Variants in CDH12 observed in about 807,000 individuals in gnomAD.
CDH12 encodes cadherin-12.
CDH12 carries 41 observed loss-of-function variants against 74.1 expected under a neutral mutation model. The ratio of observed to expected loss-of-function variants is 0.55; its 90% CI spans 0.43 to 0.72. The LOEUF (loss-of-function observed/expected upper bound fraction) is 0.72. Ranked by LOEUF, CDH12 falls within the 30% of genes least tolerant of loss-of-function variation. The pLI, the probability that CDH12 is intolerant of heterozygous loss-of-function variation, is 0.00. For synonymous variants in CDH12, 399 were observed against 355.0 expected (o/e 1.12, Z -1.39); for missense variants, 945 against 977.2 (o/e 0.97, Z 0.44).
At chr5:21,829,044 C>G (rs1412797971) in intron 8 of CDH12, among the ~76,000 whole-genome samples, 1 of 151,978 alleles carries the variant, frequency 6.6e-6, no homozygotes, top group African/African-American at 2.4e-5. Flanking sequence ...GCCTGTAATC[C>G]CAGCATTTTG....
chr5:22,164,981 G>A (rs1447379901), intron 4 of CDH12, among the ~76,000 whole-genome samples: 3 of 144,624 alleles, frequency 2.1e-5, no homozygotes, highest in Admixed American at 7.1e-5. Context: ...TGTTTCCCAG[G>A]AGCACTGCCT....
chr5:22,750,568 A>G (rs1312614722), intron 1 of CDH12, among the ~76,000 whole-genome samples: 2 of 152,170 alleles, frequency 1.3e-5, no homozygotes, highest in Non-Finnish European at 2.9e-5. Flanking sequence ...TATCAAGAAG[A>G]GCCAAAACCC....
intron 1 of CDH12, among the ~76,000 whole-genome samples, chr5:22,725,866 A>G (rs1251943192): frequency 3.3e-5 from 5 of 151,760 alleles, no homozygotes; most frequent in African/African-American, 7.2e-5. Context: ...AAACATAAAT[A>G]TATGTTTTAT....
intron 1 of CDH12, among the ~76,000 whole-genome samples, chr5:22,571,795 G>A (rs528710631): frequency 6.6e-6 from 1 of 152,260 alleles, no homozygotes; most frequent in African/African-American, 2.4e-5. Flanking sequence ...GCCATGTGGT[G>A]GGGGCAATCG....
chr5:21,825,425 A>G (rs752155479), intron 8 of CDH12, among the ~76,000 whole-genome samples: 11 of 152,156 alleles, frequency 7.2e-5, no homozygotes, highest in African/African-American at 2.4e-4. Context: ...ATTTTTAAAG[A>G]ATCTGTTTTC....
At chr5:22,645,511 G>A (rs186010880) in intron 1 of CDH12, among the ~76,000 whole-genome samples, 2 of 152,110 alleles carry the variant, frequency 1.3e-5, no homozygotes, top group Admixed American at 6.6e-5. Context: ...TCTACTTCTG[G>A]TAAAGATGCT....
chr5:22,124,985 G>A (rs1453667982), intron 4 of CDH12, among the ~76,000 whole-genome samples: 1 of 152,198 alleles, frequency 6.6e-6, no homozygotes, highest in Non-Finnish European at 1.5e-5. Context: ...CAAAATAATT[G>A]CATTTCAGAG....
chr5:21,992,703 G>A (rs538290561), intron 5 of CDH12, among the ~76,000 whole-genome samples: 29 of 152,028 alleles, frequency 1.9e-4, no homozygotes, highest in African/African-American at 6.0e-4. Flanking sequence ...TCCATGTATC[G>A]TTGGTTGCTT....
At chr5:21,926,506 AGGGCAACACC>A (rs1177897737) in intron 6 of CDH12, among the ~76,000 whole-genome samples, 1 of 152,194 alleles carries the variant, frequency 6.6e-6, no homozygotes, top group Non-Finnish European at 1.5e-5. Context: ...AAATATCTTT[AGGGCAACACC>A]ACCAGTTTCA....
At chr5:22,356,001 A>T (rs1444541153) in intron 3 of CDH12, among the ~76,000 whole-genome samples, 4 of 152,202 alleles carry the variant, frequency 2.6e-5, no homozygotes, top group Non-Finnish European at 5.9e-5. Flanking sequence ...TTAAGTAAGC[A>T]AATCATCCAT....
chr5:21,757,740 G>A (rs79559596), intron 13 of CDH12, among the ~76,000 whole-genome samples: 3 of 151,948 alleles, frequency 2.0e-5, no homozygotes, highest in African/African-American at 4.8e-5. Flanking sequence ...GCAAAGATAC[G>A]TTGTGGAAAA....
Position 22,019,319 on chromosome 5 carries a change from A to AT in CDH12, c.232-43935dup, listed in dbSNP as rs982084284. ...ATATACTTAAGAATTTTTAGGCATGATTTTTTTTCCAACATATTTTAGAAA... is the reference window on the plus strand; with the variant it reads ...ATATACTTAAGAATTTTTAGGCATGATTTTTTTTTCCAACATATTTTAGAAA... On this transcript the variant is annotated intron_variant, in intron 5 of 14. Coordinates refer to ENST00000382254, the MANE Select transcript of CDH12 (RefSeq NM_004061.5). Among the ~76,000 whole-genome samples the AT allele has an allele frequency of 1.2e-3, 176 of 152,170 alleles. 1 individual carries two copies. The highest frequency in any genetic ancestry group is 3.9e-3 in the African/African-American group (164 of 41,532).
chr5:22,376,610 A>G (rs1261374), intron 3 of CDH12, among the ~76,000 whole-genome samples: 111,014 of 151,326 alleles, frequency 0.73, 41,902 homozygotes, highest in Non-Finnish European at 0.82. Context: ...TCAACCTCCT[A>G]GGCTCAAACC....
intron 5 of CDH12, among the ~76,000 whole-genome samples, chr5:21,997,695 A>T (rs1736380575): frequency 2.6e-5 from 4 of 152,150 alleles, no homozygotes; most frequent in Admixed American, 2.0e-4. Flanking sequence ...TCTACTTTCT[A>T]CTTTTACCTT....
intron 1 of CDH12, among the ~76,000 whole-genome samples, 179 bp downstream of exon 1, chr5:22,852,879 G>A (rs1737620486): frequency 6.6e-6 from 1 of 152,184 alleles, no homozygotes; most frequent in East Asian, 1.9e-4. Flanking sequence ...ACTTACCGAA[G>A]TTTCCCAAAG....
chr5:22,457,479 G>A (rs1225099959), intron 2 of CDH12, among the ~76,000 whole-genome samples: 1 of 151,566 alleles, frequency 6.6e-6, no homozygotes, highest in African/African-American at 2.4e-5. Context: ...GAGTGCAGTG[G>A]TGCAATCTCA....
intron 13 of CDH12, among the ~76,000 whole-genome samples, chr5:21,759,137 A>G (rs542043040): frequency 6.6e-6 from 1 of 152,286 alleles, no homozygotes; most frequent in East Asian, 1.9e-4. Flanking sequence ...TTTAAAAAGT[A>G]AAATTAAATT....
intron 1 of CDH12, among the ~76,000 whole-genome samples, chr5:22,672,311 G>T (rs1052404283): frequency 2.6e-5 from 4 of 151,472 alleles, no homozygotes; most frequent in African/African-American, 9.7e-5. Flanking sequence ...GAGTATAAAT[G>T]TAGGGCTTTG....
At chr5:22,303,994 T>C (rs1462303606) in intron 3 of CDH12, among the ~76,000 whole-genome samples, 1 of 152,190 alleles carries the variant, frequency 6.6e-6, no homozygotes, top group African/African-American at 2.4e-5. Context: ...AAACATTTTA[T>C]AACAACCCCA....
Sources: gnomAD v4.1 joint callset for allele counts (sites outside exome capture counted in the v4.1 genomes callset) on GRCh38, gnomAD v4.1.1 for gene constraint, MANE v1.5 for transcripts, NCBI Gene and HGNC (gene_info 2026-07-23, HGNC 2026-07-21) for gene names.